Variants in NEDD4L observed in about 807,000 individuals in gnomAD.
NEDD4L encodes the protein NEDD4 like E3 ubiquitin protein ligase.
NEDD4L carries 54 observed loss-of-function variants against 148.9 expected under a neutral mutation model. That is an observed-to-expected ratio of 0.36 (90% CI 0.29 to 0.45). The LOEUF is 0.45. Ranked by LOEUF, NEDD4L falls within the 20% of genes least tolerant of loss-of-function variation. NEDD4L has a pLI of 1.00. For synonymous variants in NEDD4L, 433 were observed against 440.7 expected (o/e 0.98, Z 0.22); for missense variants, 856 against 1,233.8 (o/e 0.69, Z 4.59).
At chr18:58,050,366 A>G (rs1036324528) in intron 1 of NEDD4L, among the ~76,000 whole-genome samples, 2 of 152,140 alleles carry the variant, frequency 1.3e-5, no homozygotes, top group Non-Finnish European at 1.5e-5. Context: ...GCTACTCTGG[A>G]GGCTGAGGCA....
rs572161219 is a variant in NEDD4L, at chr18:58,149,517, T to G, written c.49-16271T>G. The G allele has an allele frequency of 1.3e-5, 20 of 1,551,462 alleles. No homozygotes were observed. In the South Asian group the frequency reaches 1.9e-4, roughly 15 times the overall value. ...GCTTTCCTTTAATGCACTAAACCTTTAATATTGTATTCTCCTAAATGAGAC... is the reference window on the plus strand; with the variant it reads ...GCTTTCCTTTAATGCACTAAACCTTGAATATTGTATTCTCCTAAATGAGAC... On this transcript the variant is annotated intron_variant, in intron 1 of 30. Transcript: ENST00000400345.
At chr18:58,371,092 G>C (rs1648478937) in intron 23 of NEDD4L, among the ~76,000 whole-genome samples, 1 of 140,406 alleles carries the variant, frequency 7.1e-6, no homozygotes, top group Admixed American at 6.9e-5. Flanking sequence ...ACCCAGGCTA[G>C]AGTGCAGTGG....
chr18:58,158,653 A>G (rs759718865), intron 1 of NEDD4L, among the ~76,000 whole-genome samples: 31 of 152,182 alleles, frequency 2.0e-4, no homozygotes, highest in Non-Finnish European at 4.1e-4. Context: ...TGTTGACAGC[A>G]TTGTAGAATT....
intron 5 of NEDD4L, among the ~76,000 whole-genome samples, chr18:58,297,104 A>G (rs1158590844): frequency 6.6e-6 from 1 of 152,172 alleles, no homozygotes; most frequent in African/African-American, 2.4e-5. Flanking sequence ...ATAAATAAAT[A>G]AAAATAAACA....
intron 2 of NEDD4L, among the ~76,000 whole-genome samples, chr18:58,171,725 T>G (rs2037530179): frequency 6.6e-6 from 1 of 152,206 alleles, no homozygotes; most frequent in Admixed American, 6.5e-5. Flanking sequence ...GGAGGTCCCA[T>G]TGGCTCTTCA....
chr18:58,067,914 TC>T (rs1236274567), intron 1 of NEDD4L, among the ~76,000 whole-genome samples: 1 of 152,144 alleles, frequency 6.6e-6, no homozygotes, highest in African/African-American at 2.4e-5. Flanking sequence ...GGCTGGGACT[TC>T]CAGAAGGTAA....
At chr18:58,252,143 G>T (rs918797294) in intron 5 of NEDD4L, 89 bp downstream of exon 5, 1 of 865,662 alleles carries the variant, frequency 1.2e-6, no homozygotes. Context: ...TGTTTATGTT[G>T]TACTTAGGAC....
Position 58,311,915 on chromosome 18 carries a change from G to A in NEDD4L, c.298-4067G>A, listed in dbSNP as rs144819830. Among the ~76,000 whole-genome samples the A allele has an allele frequency of 4.2e-3, 642 of 152,284 alleles. 3 individuals are homozygous for A. Among genetic ancestry groups the A allele is most frequent in the African/African-American group, 0.011 (464 of 41,554 alleles). The stretch of plus-strand genomic sequence containing the variant: ...AGCCCCCGGGCTTCAGGTCCCAGTG[G>A]CATCCACCCTTGGTGGCAGCATACC... On this transcript the variant is annotated intron_variant, in intron 5 of 30. Transcript: ENST00000400345.
chr18:58,281,387 C>G (rs947000290), intron 5 of NEDD4L, among the ~76,000 whole-genome samples: 13 of 151,390 alleles, frequency 8.6e-5, no homozygotes, highest in African/African-American at 2.9e-4. Flanking sequence ...GTTAGCATAA[C>G]TGTGTAGTAC....
intron 1 of NEDD4L, among the ~76,000 whole-genome samples, chr18:58,099,035 CT>C (rs2084597350): frequency 6.6e-6 from 1 of 151,608 alleles, no homozygotes; most frequent in Non-Finnish European, 1.5e-5. Context: ...TGATGACTAT[CT>C]TTTTTCTAGC....
At chr18:58,129,103 T>C (rs996543958) in intron 1 of NEDD4L, among the ~76,000 whole-genome samples, 5 of 152,250 alleles carry the variant, frequency 3.3e-5, no homozygotes, top group Admixed American at 3.3e-4. Flanking sequence ...TCATTTTCTT[T>C]AACTTACATG....
intron 2 of NEDD4L, among the ~76,000 whole-genome samples, chr18:58,183,454 A>T (rs1361946441): frequency 6.6e-6 from 1 of 152,216 alleles, no homozygotes; most frequent in South Asian, 2.1e-4. Context: ...GCCGGTTCTT[A>T]AAGTGTTTCT....
chr18:58,131,208 G>A (rs988660332), intron 1 of NEDD4L, among the ~76,000 whole-genome samples: 1 of 147,422 alleles, frequency 6.8e-6, no homozygotes, highest in African/African-American at 2.5e-5. Flanking sequence ...GTGATCTAGC[G>A]GAACTGTGGT....
rs2059582627 is a variant in NEDD4L, at chr18:58,329,231, A to G, written c.813+104A>G. 4 of 1,304,020 alleles carry G rather than the reference A, an allele frequency of 3.1e-6. No individual in the cohort carries two copies. In the Admixed American group the frequency reaches 6.8e-5, roughly 22 times the overall value. The allele number at this position is 1,304,020 out of a possible 1,614,324, so 80.8% of individuals were successfully genotyped here. On this transcript the variant is annotated intron_variant, in intron 10 of 30. Transcript: ENST00000400345. ...TCTTCTGTCAGTAAACATTGTTGAG[A>G]ATGTAAAGATTACAGTGACGCAGGG... is the stretch of plus-strand genomic sequence containing the variant.
intron 1 of NEDD4L, among the ~76,000 whole-genome samples, chr18:58,071,186 A>G (rs2082859143): frequency 6.6e-6 from 1 of 152,162 alleles, no homozygotes; most frequent in South Asian, 2.1e-4. Context: ...CTAAAGAATC[A>G]CATGAAAATA....
intron 28 of NEDD4L, among the ~76,000 whole-genome samples, chr18:58,389,832 TTTA>T (rs1175071493): frequency 1.9e-3 from 45 of 23,956 alleles, no homozygotes; most frequent in African/African-American, 8.0e-3. Context: ...TTTATTTTTA[TTTA>T]TTTATTTATT....
At position 58,049,127 on chromosome 18, in the gene NEDD4L, T is replaced by C. The variant is rs191647399; in HGVS notation, c.48+4419T>C. Among the ~76,000 whole-genome samples, 412 of 152,342 alleles carry C rather than the reference T, an allele frequency of 2.7e-3. 2 individuals carry two copies. Among genetic ancestry groups the C allele is most frequent in the Non-Finnish European group, 4.9e-3 (331 of 68,034 alleles). ...TGATGAATTACAGTGACTAGAAACCTGGGAAAACTCCATGCCATCAGTTTC... is the reference window on the plus strand; with the variant it reads ...TGATGAATTACAGTGACTAGAAACCCGGGAAAACTCCATGCCATCAGTTTC... On this transcript the variant is annotated intron_variant, in intron 1 of 30. Transcript: ENST00000400345.
chr18:58,357,167 T>A (rs1220110871), intron 18 of NEDD4L, 27 bp from the exon 19 acceptor site: 1 of 794,892 alleles, frequency 1.3e-6, no homozygotes, highest in Non-Finnish European at 1.6e-6. Flanking sequence ...TGTTCTGATT[T>A]TTTTTTTTTT....
At chr18:58,186,082 CACAGAGAAGGATACGTATGCACACGGGA>C (rs537712273) in intron 2 of NEDD4L, among the ~76,000 whole-genome samples, 6,069 of 151,732 alleles carry the variant, frequency 0.04, 383 homozygotes, top group African/African-American at 0.14. Flanking sequence ...TGCACACGCA[CACAGAGAAGGATACGTATGCACACGGGA>C]ACAGAGAAGG....
Sources: allele counts gnomAD v4.1 joint callset (sites outside exome capture counted in the v4.1 genomes callset), GRCh38; gene constraint gnomAD v4.1.1; transcripts MANE v1.5; gene names NCBI Gene and HGNC (gene_info 2026-07-23, HGNC 2026-07-21).